Variants in IQCK observed in about 807,000 individuals in gnomAD.
IQCK encodes IQ domain-containing protein K.
In IQCK, 29 loss-of-function variants were observed where a neutral mutation model predicts 28.1. The observed-to-expected ratio is 1.03, with a 90% confidence interval of 0.77 to 1.41. IQCK has a LOEUF of 1.41. Ranked by LOEUF, IQCK falls within the 40% of genes most tolerant of loss-of-function variation. The probability of loss-of-function intolerance (pLI) is 0.00; values close to 1 mark genes in which losing one functional copy is unlikely to be tolerated. For synonymous variants in IQCK, 113 were observed against 115.1 expected (o/e 0.98, Z 0.12); for missense variants, 359 against 314.7 (o/e 1.14, Z -1.07).
chr16:19,854,512 G>A (rs1053404027), intron 9 of IQCK, among the ~76,000 whole-genome samples: 1 of 152,230 alleles, frequency 6.6e-6, no homozygotes, highest in Non-Finnish European at 1.5e-5. Context: ...AAAGGGCCCT[G>A]AATTTGCATT....
intron 9 of IQCK, among the ~76,000 whole-genome samples, chr16:19,833,083 C>G (rs1374243272): frequency 6.6e-6 from 1 of 152,104 alleles, no homozygotes; most frequent in Non-Finnish European, 1.5e-5. Context: ...CCCTTAGTTA[C>G]GATTTGTGTG....
intron 9 of IQCK, among the ~76,000 whole-genome samples, chr16:19,834,526 G>A (rs987405396): frequency 3.9e-5 from 6 of 152,214 alleles, no homozygotes; most frequent in Non-Finnish European, 8.8e-5. Flanking sequence ...TGGACAGCAG[G>A]CAGTGTCTGG....
intron 9 of IQCK, among the ~76,000 whole-genome samples, chr16:19,844,494 T>C (rs771510454): frequency 3.3e-5 from 5 of 152,178 alleles, no homozygotes; most frequent in South Asian, 2.1e-4. Context: ...GATGACCCGG[T>C]GGCAGTAAGA....
intron 1 of IQCK, among the ~76,000 whole-genome samples, chr16:19,727,793 C>T (rs1429503411): frequency 6.6e-6 from 1 of 151,992 alleles, no homozygotes; most frequent in Admixed American, 6.5e-5. Context: ...AACAATTCCA[C>T]ACTATAGCAA....
At chr16:19,732,929 G>T (rs1977887547) in intron 2 of IQCK, among the ~76,000 whole-genome samples, 1 of 152,298 alleles carries the variant, frequency 6.6e-6, no homozygotes. Context: ...CCAGAAAGAA[G>T]CCTGAGGGGA....
intron 7 of IQCK, among the ~76,000 whole-genome samples, chr16:19,824,647 C>T (rs1169564332): frequency 1.3e-5 from 2 of 152,218 alleles, no homozygotes; most frequent in African/African-American, 4.8e-5. Context: ...ACTTATCTTT[C>T]AAGATAAAGT....
At chr16:19,810,830 G>A (rs966373863) in intron 7 of IQCK, among the ~76,000 whole-genome samples, 4 of 151,678 alleles carry the variant, frequency 2.6e-5, no homozygotes, top group African/African-American at 7.3e-5. Flanking sequence ...AAGAAAATGG[G>A]GATGGCAATA....
At chr16:19,747,576 T>TA (rs1456117604) in intron 4 of IQCK, among the ~76,000 whole-genome samples, 1 of 152,074 alleles carries the variant, frequency 6.6e-6, no homozygotes, top group African/African-American at 2.4e-5. Context: ...GTCAGAGCTT[T>TA]AGGGTATCAC....
At chr16:19,769,366 T>C (rs1168771247) in intron 6 of IQCK, among the ~76,000 whole-genome samples, 1 of 152,234 alleles carries the variant, frequency 6.6e-6, no homozygotes, top group African/African-American at 2.4e-5. Flanking sequence ...TCCAGTTCCT[T>C]ATTGGTAAAT....
chr16:19,736,375 A>G (rs1249953250), intron 4 of IQCK, among the ~76,000 whole-genome samples: 1 of 151,796 alleles, frequency 6.6e-6, no homozygotes, highest in Non-Finnish European at 1.5e-5. Context: ...TGATCCTCCC[A>G]CCTCAGCTTC....
chr16:19,724,483 CAA>C (rs971819078), intron 1 of IQCK, among the ~76,000 whole-genome samples: 1 of 152,090 alleles, frequency 6.6e-6, no homozygotes, highest in Admixed American at 6.6e-5. Context: ...CATCCCCTTC[CAA>C]TAAGCTACTG....
intron 4 of IQCK, 47 bp from the exon 5 acceptor site, chr16:19,763,801 T>C (rs755950610): frequency 5.0e-6 from 7 of 1,397,594 alleles, no homozygotes; most frequent in African/African-American, 1.4e-5. Flanking sequence ...TTCAAATCCA[T>C]AGTGTTTAAG....
intron 6 of IQCK, among the ~76,000 whole-genome samples, chr16:19,780,732 C>G (rs1439352362): frequency 6.6e-6 from 1 of 152,222 alleles, no homozygotes. Flanking sequence ...ATTCTCCTGT[C>G]ACATTACAGT....
At chr16:19,720,290 A>T (rs997598474) in intron 1 of IQCK, among the ~76,000 whole-genome samples, 56 of 152,294 alleles carry the variant, frequency 3.7e-4, no homozygotes, top group African/African-American at 1.3e-3. Flanking sequence ...TCTTGGTGCT[A>T]TGATCCAAGG....
intron 7 of IQCK, among the ~76,000 whole-genome samples, chr16:19,820,630 C>T (rs1302017003): frequency 3.3e-4 from 46 of 140,682 alleles, no homozygotes; most frequent in Non-Finnish European, 1.1e-4. Context: ...GCCTGGGCAC[C>T]AGAGGGAAAC....
intron 4 of IQCK, among the ~76,000 whole-genome samples, chr16:19,754,807 A>G (rs997134614): frequency 1.2e-4 from 19 of 152,292 alleles, no homozygotes; most frequent in African/African-American, 4.3e-4. Flanking sequence ...TAGTAATACC[A>G]TCAGCTTTTG....
intron 4 of IQCK, among the ~76,000 whole-genome samples, chr16:19,736,514 C>A (rs1243505003): frequency 6.6e-6 from 1 of 152,110 alleles, no homozygotes; most frequent in Non-Finnish European, 1.5e-5. Flanking sequence ...TGGCCTACAC[C>A]CACGCGGATA....
intron 6 of IQCK, among the ~76,000 whole-genome samples, chr16:19,778,984 C>A (rs564041902): frequency 2.6e-5 from 4 of 152,258 alleles, no homozygotes; most frequent in African/African-American, 9.6e-5. Context: ...TAAAACAACA[C>A]ACACAATTTT....
chr16:19,748,350 C>T (rs2054941655), intron 4 of IQCK, among the ~76,000 whole-genome samples: 1 of 152,126 alleles, frequency 6.6e-6, no homozygotes, highest in Non-Finnish European at 1.5e-5. Flanking sequence ...GCTGGAATTA[C>T]AGGCATGAGA....
Sources: gnomAD v4.1 joint callset for allele counts (sites outside exome capture counted in the v4.1 genomes callset) on GRCh38, gnomAD v4.1.1 for gene constraint, MANE v1.5 for transcripts, NCBI Gene and HGNC (gene_info 2026-07-23, HGNC 2026-07-21) for gene names.